CYGB: variants seen among roughly 807,000 people sequenced by gnomAD.
CYGB encodes the protein cytoglobin.
CYGB carries 13 observed loss-of-function variants against 20.7 expected under a neutral mutation model. The observed-to-expected ratio is 0.63, with a 90% CI of 0.41 to 1.00. The LOEUF (loss-of-function observed/expected upper bound fraction) is 1.00. CYGB is among the 50% of genes least tolerant of loss of function. CYGB has a pLI of 0.00. For synonymous variants in CYGB, 93 were observed against 107.4 expected (o/e 0.87, Z 0.83); for missense variants, 218 against 257.2 (o/e 0.85, Z 1.04).
rs77265380 is a variant in CYGB, at chr17:76,530,655, G to A, written c.539+324C>T. Reference sequence around the variant, plus strand: ...CCGAGCCTGATGATCGGACCTTACCGCCAGGAGCCTCTGGCGCCTCTCTGC... The same window carrying A: ...CCGAGCCTGATGATCGGACCTTACCACCAGGAGCCTCTGGCGCCTCTCTGC... On this transcript the variant is annotated intron_variant, in intron 3 of 3. Transcript: ENST00000293230. The surrounding 1 kb of genome is among the most constrained non-coding windows in gnomAD (Gnocchi z 6.1). Among the ~76,000 whole-genome samples, 3,910 of 152,266 alleles carry A rather than the reference G, an allele frequency of 0.026. 168 individuals carry two copies. Among genetic ancestry groups the A allele is most frequent in the African/African-American group, 0.086 (3,565 of 41,524 alleles).
chr17:76,530,001 G>T lies in CYGB; in HGVS notation c.539+978C>A. On this transcript the variant is annotated intron_variant, in intron 3 of 3. Coordinates refer to ENST00000293230, the MANE Select transcript of CYGB (RefSeq NM_134268.5). The surrounding 1 kb of genome is among the most constrained non-coding windows in gnomAD (Gnocchi z 6.1). ...CTGGCGTCCCCAGCTGCCCTCAGGG[G>T]ACCTCCTCCAGGAGCTGTGCCTGTG... 2 of 985,388 alleles carry T rather than the reference G, an allele frequency of 2.0e-6. No individual in the cohort carries two copies. Among genetic ancestry groups the T allele is most frequent in the Non-Finnish European group, 2.4e-6 (2 of 829,912 alleles). The allele number at this position is 985,388 out of a possible 1,614,324, so 61.0% of individuals were successfully genotyped here.
At chr17:76,534,210 T>C (rs1441067375) in intron 1 of CYGB, among the ~76,000 whole-genome samples, 3 of 149,180 alleles carry the variant, frequency 2.0e-5, no homozygotes, top group African/African-American at 7.3e-5. Flanking sequence ...AGAATCTTAC[T>C]CTGTTGCCCA....
rs1811958627 is a variant in CYGB at position 76,528,266 on chromosome 17, C to G, written c.*312G>C. The G allele has an allele frequency of 2.5e-6, 1 of 399,346 alleles. No homozygotes were observed. The highest frequency in any genetic ancestry group is 4.4e-5 in the Admixed American group (1 of 22,752). 24.7% of individuals were successfully genotyped at this position (399,346 alleles called of 1,614,324 possible). The stretch of plus-strand genomic sequence containing the variant: ...GATAGAAACGGGGCTGGTTTATTCC[C>G]TAAGGGACTCCTAGACCTGTCCCGC... On this transcript the variant is annotated 3_prime_UTR_variant, in exon 4 of 4. Coordinates refer to ENST00000293230, the MANE Select transcript of CYGB (RefSeq NM_134268.5). This position sits in a 1 kb window ranked among gnomAD's most constrained non-coding sequence, Gnocchi z 5.8.
In CYGB at chr17:76,531,515, G is replaced by A; in HGVS notation, c.320C>T (p.Ala107Val). ...GAGGGCGTGGGCTTTCCCCACAAGG[G>A]CGAGCACAGAGGACACCTTGTCGGG... The part of the protein sequence containing the change: ...HDPDKVSSVL[A>V]LVGKAHALKH... Residue 107 changes from alanine (A) to valine (V), a missense_variant, in exon 2 of 4, where the codon GCC becomes GTC. By Grantham distance (64) the Ala-to-Val change is moderately conservative. Coordinates refer to ENST00000293230, the MANE Select transcript of CYGB (RefSeq NM_134268.5). The surrounding 1 kb of genome is among the most constrained non-coding windows in gnomAD (Gnocchi z 7.4). 6.2e-7 allele frequency: 1 copy of A among 1,613,962 alleles called. No homozygotes were observed. The highest frequency in any genetic ancestry group is 8.5e-7 in the Non-Finnish European group (1 of 1,179,810).
upstream of CYGB, chr17:76,542,667 G>C: frequency 7.1e-7 from 1 of 1,403,380 alleles, no homozygotes; most frequent in Non-Finnish European, 1.0e-6. Context: ...GAGGGCAGAG[G>C]GCAAGGCTTG....
rs1314139126 is a variant in CYGB at position 76,531,700 on chromosome 17, A to G, written c.144-9T>C. On this transcript the variant is annotated splice_polypyrimidine_tract_variant and intron_variant, in intron 1 of 3. Coordinates refer to ENST00000293230, the MANE Select transcript of CYGB (RefSeq NM_134268.5). The surrounding 1 kb of genome is among the most constrained non-coding windows in gnomAD (Gnocchi z 7.4). ...GGAAGTTCACAAAGAACCTGGCAAGAGGAACAGGGGTGGTCGCTGAAGCTG... is the reference window on the plus strand; with the variant it reads ...GGAAGTTCACAAAGAACCTGGCAAGGGGAACAGGGGTGGTCGCTGAAGCTG... 6.3e-7 allele frequency: 1 copy of G among 1,587,580 alleles called. No homozygotes were observed. The highest frequency in any genetic ancestry group is 8.6e-7 in the Non-Finnish European group (1 of 1,160,334).
rs572685169 is a variant in CYGB at position 76,545,464 on chromosome 17, G to A, written c.-53+5398C>T. ...AGCAGGAGTGCTCAGGGGCTTGGGAGAGGGCAGATAAAGGGCAGCTAGAGA... is the reference window on the plus strand; with the variant it reads ...AGCAGGAGTGCTCAGGGGCTTGGGAAAGGGCAGATAAAGGGCAGCTAGAGA... On this transcript the variant is annotated intron_variant, in intron 1 of 3. Transcript: ENST00000589145. 5 of 436,330 alleles carry A rather than the reference G, an allele frequency of 1.1e-5. No homozygotes were observed. The East Asian group carries it at 2.8e-4, about 25-fold the overall frequency. 27.0% of individuals were successfully genotyped at this position (436,330 alleles called of 1,614,324 possible).
In CYGB at chr17:76,527,683, C is replaced by T. The variant is rs764523129; in HGVS notation, c.*895G>A. On this transcript the variant is annotated 3_prime_UTR_variant, in exon 4 of 4. Transcript: ENST00000293230. ...AGACCCAGGCATGTGGTCCCGCCGA[C>T]CTGCTGCCCAGCAGCCCGGATCCCC... 1.0e-4 allele frequency: 47 copies of T among 453,914 alleles called. No homozygotes were observed. Among genetic ancestry groups the T allele is most frequent in the Non-Finnish European group, 1.7e-4 (38 of 226,738 alleles). 28.1% of individuals were successfully genotyped at this position (453,914 alleles called of 1,614,324 possible). A position where few individuals can be genotyped will look rare whatever the true frequency, so the allele number is the denominator to read the frequency against.
chr17:76,531,293 T>G lies in CYGB; in HGVS notation c.376-151A>C, dbSNP rs2074838019. 8.3e-7 allele frequency: 1 copy of G among 1,202,456 alleles called. No individual in the cohort carries two copies. Among genetic ancestry groups the G allele is most frequent in the African/African-American group, 1.5e-5 (1 of 65,460 alleles). 74.5% of individuals were successfully genotyped at this position (1,202,456 alleles called of 1,614,324 possible). ...AACCCCGTGCTCTCAGGACAAGGGT[T>G]GCCCTGGACCCAGCCCCTCCATCCT... is the stretch of plus-strand genomic sequence containing the variant. On this transcript the variant is annotated intron_variant, in intron 2 of 3. Transcript: ENST00000293230. This position sits in a 1 kb window ranked among gnomAD's most constrained non-coding sequence, Gnocchi z 7.4.
chr17:76,547,906 ACACATT>A (rs1332250357), intron 1 of CYGB, among the ~76,000 whole-genome samples: 2 of 128,022 alleles, frequency 1.6e-5, no homozygotes, highest in African/African-American at 8.0e-5. Context: ...GACACACATA[ACACATT>A]CACACACACA....
At chr17:76,540,385 G>A (rs1320874048), upstream of CYGB, 7 of 1,324,050 alleles carry the variant, frequency 5.3e-6, no homozygotes, top group Non-Finnish European at 6.5e-6. The surrounding 1 kb of genome is among the most constrained non-coding windows in gnomAD (Gnocchi z 5.0). Flanking sequence ...GGGACTTAGA[G>A]CTTCAAAGGC....
intron 1 of CYGB, among the ~76,000 whole-genome samples, chr17:76,548,937 A>C (rs1351457730): frequency 6.6e-6 from 1 of 152,196 alleles, no homozygotes; most frequent in East Asian, 1.9e-4. Flanking sequence ...GGGGAAACCC[A>C]AGCGGACCAC....
At chr17:76,542,692 C>A, upstream of CYGB, 1 of 1,128,720 alleles carries the variant, frequency 8.9e-7, no homozygotes, top group Non-Finnish European at 1.3e-6. Context: ...AGGCAGGAAG[C>A]AACAGGCAAG....
upstream of CYGB, chr17:76,538,528 T>C: frequency 2.1e-6 from 1 of 465,436 alleles, no homozygotes; most frequent in Non-Finnish European, 4.5e-6. Context: ...GCCGCTGCCC[T>C]GAATTCTAGC....
At chr17:76,539,985 C>A, upstream of CYGB, 1 of 734,188 alleles carries the variant, frequency 1.4e-6, no homozygotes, top group Non-Finnish European at 2.3e-6. Flanking sequence ...AAGGTCGGGG[C>A]CGCTGACCCA....
chr17:76,540,888 G>GCT (rs1272238115), upstream of CYGB, among the ~76,000 whole-genome samples: 1 of 152,218 alleles, frequency 6.6e-6, no homozygotes, highest in Admixed American at 6.5e-5. The surrounding 1 kb of genome is among the most constrained non-coding windows in gnomAD (Gnocchi z 5.0). Context: ...GGCAGGAGTA[G>GCT]CTCTGTGTGG....
intron 1 of CYGB, chr17:76,543,177 G>C: frequency 2.2e-6 from 1 of 455,424 alleles, no homozygotes; most frequent in South Asian, 1.6e-5. Flanking sequence ...CCCAGGCCCT[G>C]GGTGTGGGCT....
intron 1 of CYGB, chr17:76,544,482 G>A (rs1288095556): frequency 4.4e-6 from 2 of 455,766 alleles, no homozygotes; most frequent in Non-Finnish European, 8.8e-6. Context: ...TGGCTGGGGT[G>A]TGTGCGAAGG....
Position 76,528,833 on chromosome 17 carries a change from C to T in CYGB, c.540-222G>A. On this transcript the variant is annotated intron_variant, in intron 3 of 3. Transcript: ENST00000293230. The surrounding 1 kb of genome is among the most constrained non-coding windows in gnomAD (Gnocchi z 5.8). ...CTACTGGCCCATGGGAGCTCCGGAT[C>T]TTTTTCTCTAAAATGTGAATAATGT... The T allele has an allele frequency of 8.3e-7, 1 of 1,202,634 alleles. No homozygotes were observed. Among genetic ancestry groups the T allele is most frequent in the East Asian group, 3.2e-5 (1 of 31,494 alleles). 74.5% of individuals were successfully genotyped at this position (1,202,634 alleles called of 1,614,324 possible).
Sources: allele counts gnomAD v4.1 joint callset (sites outside exome capture counted in the v4.1 genomes callset), GRCh38; gene constraint gnomAD v4.1.1; non-coding constraint Gnocchi (gnomAD v3.1); transcripts MANE v1.5; gene names NCBI Gene and HGNC (gene_info 2026-07-23, HGNC 2026-07-21).